Variants in PTPRQ observed in about 807,000 individuals in gnomAD.
The protein encoded by PTPRQ is phosphatidylinositol phosphatase PTPRQ.
In PTPRQ, 199 loss-of-function variants were observed where a neutral mutation model predicts 246.0. The ratio of observed to expected loss-of-function variants is 0.81; its 90% confidence interval spans 0.72 to 0.91. The LOEUF is 0.91. Ranked by LOEUF, PTPRQ falls within the 40% of genes least tolerant of loss-of-function variation. PTPRQ has a pLI of 0.00. For missense variants in PTPRQ, 2,624 were observed against 2,528.4 expected (o/e 1.04, Z -0.81); for synonymous variants, 869 against 853.2 (o/e 1.02, Z -0.32).
At chr12:80,659,476 T>C (rs1262532511) in intron 39 of PTPRQ, among the ~76,000 whole-genome samples, 2 of 152,088 alleles carry the variant, frequency 1.3e-5, no homozygotes, top group East Asian at 3.9e-4. Context: ...TTTGTATCAT[T>C]TTTTATTCAC....
intron 26 of PTPRQ, among the ~76,000 whole-genome samples, chr12:80,594,944 TCATTTTCTACATGCCTG>T (rs891319755): frequency 2.0e-5 from 3 of 152,178 alleles, no homozygotes; most frequent in Non-Finnish European, 4.4e-5. Flanking sequence ...AAATCTTTGA[TCATTTTCTACATGCCTG>T]CATGTTAAAA....
Position 80,549,409 on chromosome 12 carries a change from A to G in PTPRQ, c.4016-56A>G. On this transcript the variant is annotated intron_variant, in intron 24 of 44. Transcript: ENST00000644991. ...ATCTAGTGATCACGTAATTCAATCA[A>G]TTATCTACTTACATATGTATACACT... The G allele has an allele frequency of 4.8e-6, 7 of 1,459,256 alleles. No homozygotes were observed. The South Asian group carries it at 1.0e-4, about 22-fold the overall frequency. 90.4% of individuals were successfully genotyped at this position (1,459,256 alleles called of 1,614,324 possible). A position where few individuals can be genotyped will look rare whatever the true frequency, so the allele number is the denominator to read the frequency against.
At chr12:80,558,024 TCTTC>T (rs1313804367) in intron 25 of PTPRQ, among the ~76,000 whole-genome samples, 1 of 151,598 alleles carries the variant, frequency 6.6e-6, no homozygotes, top group African/African-American at 2.4e-5. Flanking sequence ...TGTGTAGCAA[TCTTC>T]CTTCCTCTCT....
intron 16 of PTPRQ, among the ~76,000 whole-genome samples, chr12:80,508,191 A>G (rs1895021972): frequency 6.6e-6 from 1 of 152,004 alleles, no homozygotes; most frequent in Non-Finnish European, 1.5e-5. Context: ...AGGGTAAAGA[A>G]CAAGACTCCC....
intron 26 of PTPRQ, among the ~76,000 whole-genome samples, chr12:80,591,434 TC>T (rs967894637): frequency 3.3e-5 from 5 of 152,130 alleles, no homozygotes; most frequent in Admixed American, 3.3e-4. Flanking sequence ...ACGCATATTT[TC>T]TTATTGTCTA....
At chr12:80,600,473 A>G (rs1237918615) in intron 26 of PTPRQ, among the ~76,000 whole-genome samples, 5 of 151,794 alleles carry the variant, frequency 3.3e-5, no homozygotes, top group Admixed American at 6.6e-5. Context: ...CGAAGAAGCC[A>G]TTATAGAGCA....
chr12:80,630,924 C>T (rs1035105591), intron 33 of PTPRQ, among the ~76,000 whole-genome samples: 2 of 152,092 alleles, frequency 1.3e-5, no homozygotes, highest in Non-Finnish European at 2.9e-5. Context: ...ACCATGTTGG[C>T]CAGGTTGTCT....
At chr12:80,550,116 A>G (rs934674646) in intron 25 of PTPRQ, among the ~76,000 whole-genome samples, 4 of 152,072 alleles carry the variant, frequency 2.6e-5, no homozygotes, top group Non-Finnish European at 4.4e-5. Context: ...CCTGAACTAT[A>G]TGGTTGCAGT....
chr12:80,603,194 C>T (rs1898199556), intron 26 of PTPRQ, among the ~76,000 whole-genome samples: 1 of 151,656 alleles, frequency 6.6e-6, no homozygotes, highest in Admixed American at 6.6e-5. Flanking sequence ...CTCTAGGTTT[C>T]ATCTCCTTCT....
chr12:80,651,060 T>C (rs1900242264), intron 37 of PTPRQ, among the ~76,000 whole-genome samples: 1 of 152,098 alleles, frequency 6.6e-6, no homozygotes, highest in Admixed American at 6.6e-5. Context: ...ATAGGCATTG[T>C]ATTTGGCACA....
At chr12:80,508,747 A>G (rs1372946645) in intron 16 of PTPRQ, among the ~76,000 whole-genome samples, 1 of 152,122 alleles carries the variant, frequency 6.6e-6, no homozygotes, top group Non-Finnish European at 1.5e-5. Flanking sequence ...CAGTGGATGT[A>G]CAGTGATTTT....
At chr12:80,673,392 C>T in intron 43 of PTPRQ, 88 bp downstream of exon 43, 1 of 1,481,664 alleles carries the variant, frequency 6.7e-7, no homozygotes, top group Non-Finnish European at 9.0e-7. Context: ...TGGACATGAG[C>T]TTGAAGCTGT....
At position 80,496,053 on chromosome 12, in the gene PTPRQ, G is replaced by A. The variant is rs1350937219; in HGVS notation, c.1937G>A (p.Gly646Glu). The A allele has an allele frequency of 9.0e-6, 14 of 1,550,364 alleles. No individual in the cohort carries two copies. Among genetic ancestry groups the A allele is most frequent in the African/African-American group, 5.5e-5 (4 of 73,060 alleles). The change falls in exon 13 of 45, where the codon GGA becomes GAA. Residue 646 changes from glycine (G) to glutamate (E), a missense_variant. Gly to Glu is a moderately conservative substitution (Grantham distance 98, BLOSUM62 -2). Transcript: ENST00000644991. Reference sequence around the variant, plus strand: ...AGAGTGGCAGCCTCAACCCACGTTGGAGAAAGTTCTTTGTCTGAAGAAAAT... The same window carrying A: ...AGAGTGGCAGCCTCAACCCACGTTGAAGAAAGTTCTTTGTCTGAAGAAAAT... Reference protein sequence around the residue: ...KMRVAASTHVGESSLSEENDI... With the variant: ...KMRVAASTHVEESSLSEENDI...
intron 25 of PTPRQ, among the ~76,000 whole-genome samples, chr12:80,574,967 T>C (rs917173753): frequency 6.6e-6 from 1 of 152,220 alleles, no homozygotes; most frequent in Non-Finnish European, 1.5e-5. Context: ...TACTTTATTC[T>C]CTGACACCTC....
chr12:80,543,930 TTGTC>T (rs1174414587), intron 23 of PTPRQ, among the ~76,000 whole-genome samples: 1 of 152,136 alleles, frequency 6.6e-6, no homozygotes, highest in Non-Finnish European at 1.5e-5. Flanking sequence ...TTTATTTGCT[TTGTC>T]TGTATGGGTC....
chr12:80,513,662 C>G (rs1005709616), intron 17 of PTPRQ, among the ~76,000 whole-genome samples: 1 of 152,134 alleles, frequency 6.6e-6, no homozygotes, highest in African/African-American at 2.4e-5. Context: ...TTCTCTACCC[C>G]GCACTTCCCT....
Position 80,673,248 on chromosome 12 carries a change from A to T in PTPRQ, c.6682A>T (p.Ile2228Leu). 6.4e-7 allele frequency: 1 copy of T among 1,550,872 alleles called. No individual in the cohort carries two copies. Among genetic ancestry groups the T allele is most frequent in the Non-Finnish European group, 8.7e-7 (1 of 1,146,420 alleles). Residue 2228 changes from isoleucine to leucine, a missense_variant, in exon 43 of 45, where the codon ATA becomes TTA. Transcript: ENST00000644991. ...QHINDHDFVD[I>L]YGLVAELRSE... Reference sequence around the variant, plus strand: ...TATAAATGACCATGATTTTGTGGATATATATGGACTAGTAGCTGAACTGAG... The same window carrying T: ...TATAAATGACCATGATTTTGTGGATTTATATGGACTAGTAGCTGAACTGAG...
chr12:80,526,388 G>T (rs1735442677), intron 17 of PTPRQ, among the ~76,000 whole-genome samples: 1 of 152,088 alleles, frequency 6.6e-6, no homozygotes, highest in South Asian at 2.1e-4. Flanking sequence ...CTATTAGTGT[G>T]GTTTTTGTAT....
Position 80,533,133 on chromosome 12 carries a change from A to G in PTPRQ, c.2679-882A>G, listed in dbSNP as rs181252287. Among the ~76,000 whole-genome samples, 924 of 152,296 alleles carry G rather than the reference A, an allele frequency of 6.1e-3. 3 individuals are homozygous for G. The highest frequency in any genetic ancestry group is 0.01 in the Non-Finnish European group (703 of 67,998). On this transcript the variant is annotated intron_variant, in intron 17 of 44. Coordinates refer to ENST00000644991, the MANE Select transcript of PTPRQ (RefSeq NM_001145026.2). ...CATATTCCCTTATCTAAATTCTTTA[A>G]TAACTAACTTTATTATTCCTAAAAT...
Sources: gnomAD v4.1 joint callset for allele counts (sites outside exome capture counted in the v4.1 genomes callset) on GRCh38, gnomAD v4.1.1 for gene constraint, MANE v1.5 for transcripts, NCBI Gene and HGNC (gene_info 2026-07-23, HGNC 2026-07-21) for gene names.